The following DYRK4 variants were observed in gnomAD, a reference collection of about 807,000 sequenced individuals.
DYRK4 encodes the protein dual specificity tyrosine-phosphorylation-regulated kinase 4.
In DYRK4, 64 loss-of-function variants were observed where a neutral mutation model predicts 68.3. That is an observed-to-expected ratio of 0.94 (90% CI 0.77 to 1.15). The LOEUF is 1.15. DYRK4 is among the 50% of genes most tolerant of loss of function. DYRK4 has a pLI of 0.00. For missense variants in DYRK4, 740 were observed against 764.7 expected, an observed-to-expected ratio of 0.97 and a Z score of 0.38; for synonymous variants, 274 against 289.9, an observed-to-expected ratio of 0.95 and a Z score of 0.56.
chr12:4,579,130 C>G (rs1452007230), intron 2 of DYRK4, among the ~76,000 whole-genome samples: 1 of 151,984 alleles, frequency 6.6e-6, no homozygotes, highest in Non-Finnish European at 1.5e-5. Context: ...CAAAAATTAG[C>G]TGAGCGTGGT....
At chr12:4,595,500 G>A (rs1945007058) in intron 6 of DYRK4, among the ~76,000 whole-genome samples, 1 of 152,194 alleles carries the variant, frequency 6.6e-6, no homozygotes, top group South Asian at 2.1e-4. Flanking sequence ...CTGCTCCCTA[G>A]TTTCCAGCAT....
chr12:4,612,968 G>T, intron 14 of DYRK4: 17 of 405,386 alleles, frequency 4.2e-5, no homozygotes, highest in Middle Eastern at 6.7e-4. Context: ...CTTACCTTTG[G>T]GATTTTCCTT....
In DYRK4 at chr12:4,591,128, G is replaced by T. The variant is rs1425545888; in HGVS notation, c.325-32G>T. 1.9e-6 allele frequency: 3 copies of T among 1,611,412 alleles called. No homozygotes were observed. The highest frequency in any genetic ancestry group is 1.3e-5 in the African/African-American group (1 of 74,756). Reference sequence around the variant, plus strand: ...ATGGCCCCCAGGAGAGTCCTAAGTAGTTATTTATTGCAAACCTCTTTTCCT... The same window carrying T: ...ATGGCCCCCAGGAGAGTCCTAAGTATTTATTTATTGCAAACCTCTTTTCCT... On this transcript the variant is annotated intron_variant, in intron 4 of 14. Coordinates refer to ENST00000543431, the MANE Select transcript of DYRK4 (RefSeq NM_001394779.1). The surrounding 1 kb of genome is among the most constrained non-coding windows in gnomAD (Gnocchi z 4.1).
intron 2 of DYRK4, among the ~76,000 whole-genome samples, chr12:4,582,276 C>T (rs992795894): frequency 1.9e-4 from 29 of 152,066 alleles, no homozygotes; most frequent in African/African-American, 6.3e-4. Flanking sequence ...GAAACCCCAT[C>T]TCTACTAAAA....
intron 1 of DYRK4, among the ~76,000 whole-genome samples, chr12:4,566,285 G>C (rs1419659706): frequency 6.6e-6 from 1 of 152,238 alleles, no homozygotes; most frequent in Non-Finnish European, 1.5e-5. Flanking sequence ...CAGGCTCCAA[G>C]ACTCTAACTT....
At chr12:4,592,137 A>T (rs2240764) in intron 5 of DYRK4, among the ~76,000 whole-genome samples, 5 of 152,100 alleles carry the variant, frequency 3.3e-5, no homozygotes, top group African/African-American at 9.7e-5. Context: ...GGAACTATGC[A>T]TGAAGAGGTC....
intron 13 of DYRK4, among the ~76,000 whole-genome samples, chr12:4,610,917 ATTC>A (rs781264690): frequency 3.9e-5 from 6 of 152,208 alleles, no homozygotes; most frequent in Admixed American, 2.6e-4. Flanking sequence ...AACGTTAGCT[ATTC>A]TTATTATTTT....
Position 4,599,122 on chromosome 12 carries a change from C to A in DYRK4, c.1000C>A (p.Gln334Lys). 1.2e-6 allele frequency: 2 copies of A among 1,614,124 alleles called. No homozygotes were observed. Residue 334 changes from glutamine (Q) to lysine (K), a missense_variant, in exon 9 of 15, where the codon CAG (glutamine) becomes AAG (lysine). Physicochemically the swap from Gln to Lys is moderately conservative, Grantham distance 53. Transcript: ENST00000543431. ...RFTLSVLKCL[Q>K]MLSVEKIIHC... ...CACTCTCTCTGTTTTGAAGTGCTTG[C>A]AGATGCTTTCGGTAGAGAAAATCAT...
intron 12 of DYRK4, 126 bp from the exon 13 acceptor site, chr12:4,610,029 T>C (rs2286574): frequency 0.018 from 11,056 of 622,254 alleles, 467 homozygotes; most frequent in South Asian, 0.11. Context: ...TTTATTGGGG[T>C]GTGGCATGAG....
intron 10 of DYRK4, chr12:4,602,443 C>T (rs1021080918): frequency 1.8e-6 from 2 of 1,133,024 alleles, no homozygotes; most frequent in African/African-American, 3.0e-5. Flanking sequence ...GCAGACTGTC[C>T]TGATTAGATT....
intron 11 of DYRK4, 21 bp from the exon 12 acceptor site, chr12:4,607,306 A>G (rs1020447453): frequency 3.1e-6 from 5 of 1,614,036 alleles, no homozygotes; most frequent in East Asian, 2.2e-5. Flanking sequence ...AGAATGAACC[A>G]ATTGAATTAT....
At position 4,591,075 on chromosome 12, in the gene DYRK4, TG is replaced by T; in HGVS notation, c.325-82del. On this transcript the variant is annotated intron_variant, in intron 4 of 14. Coordinates refer to ENST00000543431, the MANE Select transcript of DYRK4 (RefSeq NM_001394779.1). The surrounding 1 kb of genome is among the most constrained non-coding windows in gnomAD (Gnocchi z 4.1). The stretch of plus-strand genomic sequence containing the variant: ...GGTAGGTAAAGAGCCTGGCTGAAGG[TG>T]GGTGTCTTTGGTTAAATAAATGGTT... The T allele has an allele frequency of 6.7e-7, 1 of 1,498,094 alleles. No individual in the cohort carries two copies. Among genetic ancestry groups the T allele is most frequent in the Non-Finnish European group, 9.0e-7 (1 of 1,110,312 alleles). The allele number at this position is 1,498,094 out of a possible 1,614,324, so 92.8% of individuals were successfully genotyped here.
At chr12:4,580,830 A>G (rs1343922771) in intron 2 of DYRK4, 1 of 455,626 alleles carries the variant, frequency 2.2e-6, no homozygotes, top group Non-Finnish European at 4.4e-6. Flanking sequence ...ACAGGAAGAG[A>G]CAAGGAGGAG....
intron 11 of DYRK4, among the ~76,000 whole-genome samples, chr12:4,606,121 T>C (rs533257559): frequency 6.6e-6 from 1 of 152,260 alleles, no homozygotes; most frequent in Non-Finnish European, 1.5e-5. Context: ...CCAAGACTCA[T>C]GATATGATTA....
intron 6 of DYRK4, 74 bp downstream of exon 6, chr12:4,593,239 C>G: frequency 7.2e-6 from 11 of 1,534,408 alleles, no homozygotes; most frequent in South Asian, 1.2e-5. Flanking sequence ...AAAAAAGCAA[C>G]GGTATTTTGT....
intron 2 of DYRK4, among the ~76,000 whole-genome samples, chr12:4,583,920 G>A (rs1016997763): frequency 1.3e-5 from 2 of 152,150 alleles, no homozygotes; most frequent in African/African-American, 2.4e-5. Flanking sequence ...ACACTGACAC[G>A]CAGGGCAGGT....
Position 4,591,593 on chromosome 12 carries a change from T to C in DYRK4, c.463+295T>C, listed in dbSNP as rs1944955911. 1 of 341,930 alleles carries C rather than the reference T, an allele frequency of 2.9e-6. No individual in the cohort carries two copies. Among genetic ancestry groups the C allele is most frequent in the Non-Finnish European group, 5.3e-6 (1 of 188,124 alleles). 21.2% of individuals were successfully genotyped at this position (341,930 alleles called of 1,614,324 possible). ...CTAAGGAGCCCAGACACAAGGCTCC[T>C]GTCATTTTATGGACCCAGGGGCCAG... On this transcript the variant is annotated intron_variant, in intron 5 of 14. Coordinates refer to ENST00000543431, the MANE Select transcript of DYRK4 (RefSeq NM_001394779.1). This position sits in a 1 kb window ranked among gnomAD's most constrained non-coding sequence, Gnocchi z 4.1.
intron 8 of DYRK4, chr12:4,597,108 G>C (rs1169670126): frequency 9.6e-5 from 104 of 1,079,902 alleles, no homozygotes; most frequent in Non-Finnish European, 1.1e-4. Context: ...AAACCCAAAG[G>C]AACAGGCAGC....
intron 2 of DYRK4, among the ~76,000 whole-genome samples, chr12:4,577,978 CT>C (rs535414564): frequency 9.1e-4 from 138 of 152,202 alleles, no homozygotes; most frequent in African/African-American, 3.1e-3. Context: ...GTATTAATGT[CT>C]TTTATCCTGC....
Sources: allele counts gnomAD v4.1 joint callset (sites outside exome capture counted in the v4.1 genomes callset), GRCh38; gene constraint gnomAD v4.1.1; non-coding constraint Gnocchi (gnomAD v3.1); transcripts MANE v1.5; gene names NCBI Gene and HGNC (gene_info 2026-07-23, HGNC 2026-07-21).